Variants in CTDP1 observed in about 807,000 individuals in gnomAD.
CTDP1 encodes CTD phosphatase 1.
CTDP1 carries 47 observed loss-of-function variants against 91.8 expected under a neutral mutation model. The ratio of observed to expected loss-of-function variants is 0.51; its 90% CI spans 0.41 to 0.65. The LOEUF is 0.65. CTDP1 is among the 30% of genes least tolerant of loss of function. The probability of loss-of-function intolerance (pLI) is 0.00; values close to 1 mark genes in which losing one functional copy is unlikely to be tolerated. For synonymous variants in CTDP1, 656 were observed against 598.5 expected (o/e 1.10, Z -1.40); for missense variants, 1,272 against 1,373.7 (o/e 0.93, Z 1.17).
chr18:79,727,543 C>T (rs902515582), intron 10 of CTDP1, among the ~76,000 whole-genome samples: 4 of 152,176 alleles, frequency 2.6e-5, no homozygotes, highest in African/African-American at 4.8e-5. Context: ...CACAGAGGGC[C>T]GCCGTGAAGA....
At position 79,714,777 on chromosome 18, in the gene CTDP1, G is replaced by A. The variant is rs755622493; in HGVS notation, c.1317G>A (p.Gln439=). Residue 439 remains glutamine (Q), a synonymous_variant, in exon 8 of 13, where the codon CAG becomes CAA. Coordinates refer to ENST00000613122, the MANE Select transcript of CTDP1 (RefSeq NM_004715.5). ...CAQGGRVAPG[Q]RPAQGATGTD... ...AGGGTGGCCGGGTGGCACCGGGACAGCGGCCTGCCCAGGGTGCCACGGGCA... is the reference window on the plus strand; with the variant it reads ...AGGGTGGCCGGGTGGCACCGGGACAACGGCCTGCCCAGGGTGCCACGGGCA... The A allele has an allele frequency of 1.9e-6, 3 of 1,603,580 alleles. No homozygotes were observed. Among genetic ancestry groups the A allele is most frequent in the East Asian group, 4.5e-5 (2 of 44,486 alleles).
chr18:79,754,603 G>C (rs990190607), downstream of CTDP1: 2 of 152,330 alleles, frequency 1.3e-5, no homozygotes, highest in African/African-American at 4.8e-5. Flanking sequence ...AAATTCCCAC[G>C]GACAGGACCG....
chr18:79,696,637 C>G (rs892055087), intron 3 of CTDP1, among the ~76,000 whole-genome samples: 1 of 152,062 alleles, frequency 6.6e-6, no homozygotes, highest in Admixed American at 6.5e-5. Flanking sequence ...GTTGGGGGTC[C>G]CAGGAGTGTT....
intron 11 of CTDP1, among the ~76,000 whole-genome samples, chr18:79,733,640 C>T (rs1198953886): frequency 2.0e-5 from 3 of 151,998 alleles, no homozygotes; most frequent in South Asian, 2.1e-4. Context: ...TCCGCTGCCT[C>T]TCCAGCTGCG....
rs1478522889 is a variant in CTDP1 at position 79,714,430 on chromosome 18, G to A, written c.1031-61G>A. 3.2e-6 allele frequency: 5 copies of A among 1,579,242 alleles called. No homozygotes were observed. In the South Asian group the frequency reaches 4.4e-5, roughly 14 times the overall value. ...TGGAGAAGGGTGCTGCTTTAACTTG[G>A]AACGTTATTTAATGTTTAATGCTAA... On this transcript the variant is annotated intron_variant, in intron 7 of 12. Coordinates refer to ENST00000613122, the MANE Select transcript of CTDP1 (RefSeq NM_004715.5).
chr18:79,728,662 A>C (rs1345922906), intron 10 of CTDP1, among the ~76,000 whole-genome samples: 1 of 79,640 alleles, frequency 1.3e-5, no homozygotes, highest in Admixed American at 1.6e-4. Flanking sequence ...GGATAAAAGA[A>C]GATGGGTGTT....
intron 11 of CTDP1, among the ~76,000 whole-genome samples, chr18:79,732,164 G>A (rs2086579306): frequency 6.6e-6 from 1 of 151,416 alleles, no homozygotes; most frequent in South Asian, 2.1e-4. Flanking sequence ...CATCAGGAGT[G>A]CTCCCAAAAT....
chr18:79,717,827 C>G lies in CTDP1; in HGVS notation c.2228C>G (p.Ala743Gly). 1.2e-6 allele frequency: 2 copies of G among 1,613,736 alleles called. No individual in the cohort carries two copies. Among genetic ancestry groups the G allele is most frequent in the Non-Finnish European group, 1.7e-6 (2 of 1,180,008 alleles). ...TCCGACAGGGAGAACAGCCCTGCGG[C>G]CTTTCCCGACCGGGAGGGTGTGCCC... ...TKAQRENSPA[A>G]FPDREGVPPT... The change falls in exon 10 of 13, where the codon GCC (alanine) becomes GGC (glycine). Residue 743 changes from alanine to glycine, a missense_variant. Physicochemically the swap from Ala to Gly is moderately conservative, Grantham distance 60 (BLOSUM62 0). Transcript: ENST00000613122.
At chr18:79,705,019 C>T in intron 5 of CTDP1, 102 bp downstream of exon 5, 1 of 1,547,562 alleles carries the variant, frequency 6.5e-7, no homozygotes, top group Admixed American at 1.8e-5. Context: ...AGCTCTCCTG[C>T]AACTCAGTTG....
chr18:79,689,197 T>A (rs1395225333), intron 1 of CTDP1, among the ~76,000 whole-genome samples: 1 of 152,186 alleles, frequency 6.6e-6, no homozygotes, highest in Non-Finnish European at 1.5e-5. Flanking sequence ...TTGCCTGGTT[T>A]AGTAGGACAT....
chr18:79,692,740 G>T (rs543168226), intron 1 of CTDP1, among the ~76,000 whole-genome samples: 4 of 152,300 alleles, frequency 2.6e-5, no homozygotes, highest in East Asian at 3.9e-4. Context: ...CAAGGAACCC[G>T]CCGTGAGCTG....
intron 4 of CTDP1, among the ~76,000 whole-genome samples, chr18:79,700,205 T>C (rs973300919): frequency 1.3e-5 from 2 of 152,104 alleles, no homozygotes; most frequent in Non-Finnish European, 2.9e-5. Flanking sequence ...AGTGTTCAAG[T>C]GGGAGGAAGG....
chr18:79,728,827 G>C lies in CTDP1; in HGVS notation c.2418-80G>C, dbSNP rs2086505090. 2.8e-6 allele frequency: 4 copies of C among 1,432,380 alleles called. No individual in the cohort carries two copies. In the East Asian group the frequency reaches 1.1e-4, roughly 39 times the overall value. The allele number at this position is 1,432,380 out of a possible 1,614,324, so 88.7% of individuals were successfully genotyped here. On this transcript the variant is annotated intron_variant, in intron 10 of 12. Coordinates refer to ENST00000613122, the MANE Select transcript of CTDP1 (RefSeq NM_004715.5). ...GTGTGTGAGTGTTTACCTAGTCCGA[G>C]AGCCAGGAGTCTGATTCGGTGCGGA...
chr18:79,705,904 C>T (rs2085958656), intron 5 of CTDP1, among the ~76,000 whole-genome samples: 1 of 152,210 alleles, frequency 6.6e-6, no homozygotes, highest in Non-Finnish European at 1.5e-5. Context: ...ATGGCTGCTG[C>T]TGCATAGCTG....
chr18:79,724,238 A>G (rs548633473), intron 10 of CTDP1, among the ~76,000 whole-genome samples: 2 of 152,372 alleles, frequency 1.3e-5, no homozygotes, highest in Non-Finnish European at 2.9e-5. Context: ...TCAAAATTCA[A>G]AAATCCAAAA....
chr18:79,706,785 C>T (rs1477021166), intron 5 of CTDP1, among the ~76,000 whole-genome samples: 2 of 152,252 alleles, frequency 1.3e-5, no homozygotes, highest in Admixed American at 1.3e-4. Flanking sequence ...ACCCCCAGGA[C>T]TGTGAGGACT....
At chr18:79,721,413 G>A (rs1237882472) in intron 10 of CTDP1, among the ~76,000 whole-genome samples, 2 of 152,066 alleles carry the variant, frequency 1.3e-5, no homozygotes, top group Non-Finnish European at 2.9e-5. Context: ...GAGACCCCCC[G>A]TCTAGGAAGT....
At chr18:79,734,579 G>T (rs1337329286) in intron 11 of CTDP1, among the ~76,000 whole-genome samples, 1 of 151,138 alleles carries the variant, frequency 6.6e-6, no homozygotes, top group African/African-American at 2.5e-5. Flanking sequence ...TCCCAGGTGG[G>T]GCGCCACACT....
intron 4 of CTDP1, among the ~76,000 whole-genome samples, chr18:79,699,035 C>T (rs1050775018): frequency 7.2e-5 from 11 of 152,166 alleles, no homozygotes; most frequent in African/African-American, 2.4e-4. Context: ...GCGTTTTATG[C>T]TGTTTGCAGA....
Sources: gnomAD v4.1 joint callset for allele counts (sites outside exome capture counted in the v4.1 genomes callset) on GRCh38, gnomAD v4.1.1 for gene constraint, MANE v1.5 for transcripts, NCBI Gene and HGNC (gene_info 2026-07-23, HGNC 2026-07-21) for gene names.